The following CDH4 variants were observed in gnomAD, a reference collection of about 807,000 sequenced individuals.
The protein encoded by CDH4 is cadherin-4.
A neutral mutation model predicts 86.0 loss-of-function variants in CDH4; 33 were observed. That is an observed-to-expected ratio of 0.38 (90% CI 0.29 to 0.51). The LOEUF is 0.51. CDH4 is among the 20% of genes least tolerant of loss of function. CDH4 has a pLI of 0.86. For synonymous variants in CDH4, 555 were observed against 549.4 expected, an observed-to-expected ratio of 1.01 and a Z score of -0.14; for missense variants, 1,114 against 1,307.4, an observed-to-expected ratio of 0.85 and a Z score of 2.28.
At chr20:61,353,069 C>T (rs997807674) in intron 2 of CDH4, among the ~76,000 whole-genome samples, 7 of 152,164 alleles carry the variant, frequency 4.6e-5, no homozygotes, top group South Asian at 2.1e-4. Flanking sequence ...GTTTCTGACC[C>T]GCCACAGGGG....
In CDH4 at chr20:61,902,374, G is replaced by A. The variant is rs1272873013; in HGVS notation, c.1188+7327G>A. ...GGGGTCTATGGGCAGTGCCCTAAAT[G>A]CCAGCCATGCCCTGGGGCACGCGGT... On this transcript the variant is annotated intron_variant, in intron 8 of 15. Transcript: ENST00000614565. This position sits in a 1 kb window ranked among gnomAD's most constrained non-coding sequence, Gnocchi z 4.6. 6.6e-6 allele frequency among the ~76,000 whole-genome samples: 1 copy of A among 152,228 alleles called. No homozygotes were observed. The highest frequency in any genetic ancestry group is 6.5e-5 in the Admixed American group (1 of 15,286).
intron 2 of CDH4, among the ~76,000 whole-genome samples, chr20:61,398,568 G>A (rs1465312753): frequency 1.3e-5 from 2 of 152,186 alleles, no homozygotes; most frequent in African/African-American, 4.8e-5. Flanking sequence ...GTCTCCCGGC[G>A]AAATTCCCTC....
intron 2 of CDH4, among the ~76,000 whole-genome samples, chr20:61,408,533 C>T (rs2085097065): frequency 6.6e-6 from 1 of 152,170 alleles, no homozygotes; most frequent in Non-Finnish European, 1.5e-5. Context: ...AAGGGTAAAG[C>T]TACCCTCCTC....
chr20:61,347,159 G>A (rs1389766155), intron 2 of CDH4, among the ~76,000 whole-genome samples: 1 of 152,336 alleles, frequency 6.6e-6, no homozygotes, highest in East Asian at 1.9e-4. Flanking sequence ...CTCAGAACCT[G>A]ACCTCTGTGG....
Position 61,517,601 on chromosome 20 carries a change from G to A in CDH4, c.170-225962G>A, listed in dbSNP as rs548748351. 2.0e-5 allele frequency among the ~76,000 whole-genome samples: 3 copies of A among 152,262 alleles called. No individual in the cohort carries two copies. The South Asian group carries it at 6.2e-4, about 32-fold the overall frequency. ...CCTGCCTTCTTCACTCCTGACCTTG[G>A]AACTTGGCGGGTGGCTGAGCCCCTT... On this transcript the variant is annotated intron_variant, in intron 2 of 15. Transcript: ENST00000614565. This position sits in a 1 kb window ranked among gnomAD's most constrained non-coding sequence, Gnocchi z 6.6.
At chr20:61,387,499 TAC>T (rs1329065135) in intron 2 of CDH4, among the ~76,000 whole-genome samples, 1 of 130,156 alleles carries the variant, frequency 7.7e-6, no homozygotes, top group Admixed American at 7.5e-5. Flanking sequence ...CACACAAATA[TAC>T]ACAGAGGCAC....
intron 6 of CDH4, among the ~76,000 whole-genome samples, chr20:61,859,827 T>C (rs1983234745): frequency 6.6e-6 from 1 of 152,256 alleles, no homozygotes; most frequent in Admixed American, 6.5e-5. Flanking sequence ...GTGGACAGTG[T>C]GAGGTGGTCA....
intron 2 of CDH4, among the ~76,000 whole-genome samples, chr20:61,702,365 C>T (rs1038121449): frequency 1.3e-5 from 2 of 152,260 alleles, no homozygotes; most frequent in South Asian, 4.1e-4. Context: ...CAGAGTTAGA[C>T]GAGGCAGGAG....
At chr20:61,605,331 CTCTCTGTGTG>C (rs2086634620) in intron 2 of CDH4, among the ~76,000 whole-genome samples, 2 of 151,398 alleles carry the variant, frequency 1.3e-5, no homozygotes, top group Non-Finnish European at 3.0e-5. Flanking sequence ...CTGCCTCTCT[CTCTCTGTGTG>C]TCTCTCTCTG....
rs998126381 is a variant in CDH4, at chr20:61,518,451, C to T, written c.170-225112C>T. Among the ~76,000 whole-genome samples the T allele has an allele frequency of 1.2e-4, 18 of 151,990 alleles. No homozygotes were observed. Among genetic ancestry groups the T allele is most frequent in the Admixed American group, 3.9e-4 (6 of 15,264 alleles). ...TGTCATCCACTCATCATCCATCATC[C>T]GTCATCCACCCATCGTCCATCCATC... On this transcript the variant is annotated intron_variant, in intron 2 of 15. Transcript: ENST00000614565. The surrounding 1 kb of genome is among the most constrained non-coding windows in gnomAD (Gnocchi z 6.3).
At chr20:61,841,974 G>A (rs574615144) in intron 4 of CDH4, among the ~76,000 whole-genome samples, 106 of 152,368 alleles carry the variant, frequency 7.0e-4, no homozygotes, top group African/African-American at 2.4e-3. Context: ...ACTCCTGCAC[G>A]TAGGAACAGC....
Position 61,266,805 on chromosome 20 carries a change from G to A in CDH4, c.169+11868G>A, listed in dbSNP as rs558509717. On this transcript the variant is annotated intron_variant, in intron 2 of 15. Coordinates refer to ENST00000614565, the MANE Select transcript of CDH4 (RefSeq NM_001794.5). ...TATCCCAGACCTACTGGAGGGTGCCGACAGTGGCCCACAAAGGATCCATCC... is the reference window on the plus strand; with the variant it reads ...TATCCCAGACCTACTGGAGGGTGCCAACAGTGGCCCACAAAGGATCCATCC... Among the ~76,000 whole-genome samples the A allele has an allele frequency of 8.5e-5, 13 of 152,206 alleles. No homozygotes were observed. In the East Asian group the frequency reaches 1.8e-3, roughly 20 times the overall value.
intron 2 of CDH4, among the ~76,000 whole-genome samples, chr20:61,309,410 G>A (rs2084433888): frequency 6.7e-6 from 1 of 150,138 alleles, no homozygotes; most frequent in Admixed American, 6.7e-5. Context: ...TCTTCCTTGA[G>A]TTTCCAGAAC....
intron 2 of CDH4, among the ~76,000 whole-genome samples, chr20:61,734,139 G>A (rs1028336007): frequency 6.6e-6 from 1 of 152,250 alleles, no homozygotes; most frequent in Non-Finnish European, 1.5e-5. Flanking sequence ...AGTCTCCACA[G>A]AGGCTTTGGA....
intron 2 of CDH4, among the ~76,000 whole-genome samples, chr20:61,733,223 T>C (rs1310523677): frequency 6.6e-6 from 1 of 152,040 alleles, no homozygotes; most frequent in African/African-American, 2.4e-5. Context: ...TCAAGGGAAT[T>C]CTCTATGTTC....
intron 2 of CDH4, among the ~76,000 whole-genome samples, chr20:61,579,126 A>G (rs2086406260): frequency 6.6e-6 from 1 of 152,024 alleles, no homozygotes; most frequent in African/African-American, 2.4e-5. Flanking sequence ...GGGGCTTCCC[A>G]AAGGAAATCC....
intron 2 of CDH4, among the ~76,000 whole-genome samples, chr20:61,704,928 A>G (rs991396088): frequency 2.6e-5 from 4 of 152,206 alleles, no homozygotes; most frequent in African/African-American, 9.7e-5. Flanking sequence ...AACCAGGGAT[A>G]TAGAGTATGG....
chr20:61,813,517 G>A (rs1980547402), intron 4 of CDH4, among the ~76,000 whole-genome samples: 1 of 152,214 alleles, frequency 6.6e-6, no homozygotes, highest in Non-Finnish European at 1.5e-5. Flanking sequence ...ACAGCTGGAA[G>A]GCAGTGGCTT....
intron 2 of CDH4, among the ~76,000 whole-genome samples, chr20:61,559,970 C>T (rs1052002486): frequency 1.4e-4 from 21 of 152,202 alleles, no homozygotes; most frequent in African/African-American, 4.1e-4. Flanking sequence ...CAGAGCACCA[C>T]GTCTCAACCA....
Sources: allele counts gnomAD v4.1 joint callset (sites outside exome capture counted in the v4.1 genomes callset), GRCh38; gene constraint gnomAD v4.1.1; non-coding constraint Gnocchi (gnomAD v3.1); transcripts MANE v1.5; gene names NCBI Gene and HGNC (gene_info 2026-07-23, HGNC 2026-07-21).